Variants in ROBO2 observed in about 807,000 individuals in gnomAD.
ROBO2 encodes the protein roundabout homolog 2.
ROBO2 carries 53 observed loss-of-function variants against 160.8 expected under a neutral mutation model. The ratio of observed to expected loss-of-function variants is 0.33; its 90% confidence interval spans 0.26 to 0.41. The LOEUF is 0.41. ROBO2 is among the 10% of genes least tolerant of loss of function. ROBO2 has a pLI of 1.00. For synonymous variants in ROBO2, 664 were observed against 611.7 expected (o/e 1.09, Z -1.26); for missense variants, 1,577 against 1,722.4 (o/e 0.92, Z 1.49).
intron 2 of ROBO2, among the ~76,000 whole-genome samples, chr3:76,903,655 A>C (rs1202206811): frequency 1.3e-5 from 2 of 152,174 alleles, no homozygotes; most frequent in East Asian, 3.8e-4. Flanking sequence ...CTCCAAGGGC[A>C]AATAGGCATA....
chr3:77,263,780 C>A (rs1469140987), intron 2 of ROBO2, among the ~76,000 whole-genome samples: 2 of 152,076 alleles, frequency 1.3e-5, no homozygotes, highest in African/African-American at 4.8e-5. Context: ...AATGGGATTG[C>A]TGGTCAAATG....
intron 2 of ROBO2, among the ~76,000 whole-genome samples, chr3:75,956,248 C>T (rs1948719592): frequency 6.6e-6 from 1 of 151,864 alleles, no homozygotes; most frequent in Admixed American, 6.6e-5. Context: ...ATCTCTAAAT[C>T]ACTGTGCTCA....
intron 2 of ROBO2, among the ~76,000 whole-genome samples, chr3:76,277,966 C>T (rs767843876): frequency 3.3e-5 from 5 of 150,910 alleles, no homozygotes; most frequent in Non-Finnish European, 7.4e-5. Context: ...CAGTGATTGA[C>T]ACACAGTAGC....
intron 2 of ROBO2, among the ~76,000 whole-genome samples, chr3:76,978,407 GAAGAAAGAATATC>G (rs1437789723): frequency 1.3e-5 from 2 of 152,176 alleles, no homozygotes; most frequent in East Asian, 3.9e-4. Context: ...TATTTGCGCA[GAAGAAAGAATATC>G]AAGAATGCTC....
intron 2 of ROBO2, among the ~76,000 whole-genome samples, chr3:76,651,983 C>A (rs1454608107): frequency 6.6e-6 from 1 of 152,120 alleles, no homozygotes; most frequent in Non-Finnish European, 1.5e-5. Flanking sequence ...CTTTGTCTTA[C>A]CAAATGGAGG....
intron 2 of ROBO2, among the ~76,000 whole-genome samples, chr3:77,337,355 C>T (rs897054185): frequency 3.9e-5 from 6 of 152,058 alleles, no homozygotes; most frequent in African/African-American, 7.2e-5. Context: ...TCAAGATTAG[C>T]CCCCAAAATA....
At chr3:76,743,075 A>G (rs2093828553) in intron 2 of ROBO2, among the ~76,000 whole-genome samples, 2 of 152,152 alleles carry the variant, frequency 1.3e-5, no homozygotes, top group Non-Finnish European at 2.9e-5. Flanking sequence ...ACAGCAATTG[A>G]GGCACCATAT....
At chr3:76,852,873 A>T (rs938168656) in intron 2 of ROBO2, among the ~76,000 whole-genome samples, 19 of 152,108 alleles carry the variant, frequency 1.2e-4, no homozygotes, top group Non-Finnish European at 2.9e-5. Context: ...TAATACTAAA[A>T]AATCTATATC....
rs534128226 is a variant in ROBO2, at chr3:77,251,872, C to G, written c.388+153532C>G. Among the ~76,000 whole-genome samples the G allele has an allele frequency of 9.0e-4, 137 of 152,208 alleles. 2 individuals are homozygous for G. The highest frequency in any genetic ancestry group is 3.3e-3 in the African/African-American group (135 of 41,536). On this transcript the variant is annotated intron_variant, in intron 2 of 25. Coordinates refer to ENST00000461745, the Ensembl canonical transcript of ROBO2. ...CCCCAGCTGAGTGGAACTGCGAGTC[C>G]GTTAAACCTTTTTCTTTATGAATTA...
chr3:76,267,493 G>C (rs142124220), intron 2 of ROBO2, among the ~76,000 whole-genome samples: 11 of 151,902 alleles, frequency 7.2e-5, no homozygotes, highest in Non-Finnish European at 1.6e-4. Context: ...TCATCTAATT[G>C]GTCCTTTAAA....
In ROBO2 at chr3:75,970,126, T is replaced by C. The variant is rs373694877; in HGVS notation, c.109+32524T>C. 1.4e-3 allele frequency among the ~76,000 whole-genome samples: 207 copies of C among 151,590 alleles called. 2 individuals are homozygous for C. Among genetic ancestry groups the C allele is most frequent in the African/African-American group, 4.8e-3 (199 of 41,464 alleles). ...TAGATAACCAGACTCTCACTGTTGC[T>C]TCTTCACAGGAACCCCTCTTTGCCC... On this transcript the variant is annotated intron_variant, in intron 2 of 26. Transcript: ENST00000487694.
At chr3:76,104,962 A>G (rs2069856740) in intron 2 of ROBO2, among the ~76,000 whole-genome samples, 1 of 152,196 alleles carries the variant, frequency 6.6e-6, no homozygotes, top group African/African-American at 2.4e-5. Flanking sequence ...ACCCAAGAAC[A>G]CCTTCCAAAC....
chr3:77,495,795 C>T (rs980072750), intron 5 of ROBO2, among the ~76,000 whole-genome samples: 8 of 152,090 alleles, frequency 5.3e-5, no homozygotes, highest in Non-Finnish European at 7.4e-5. Flanking sequence ...ACACTGAGCA[C>T]GAGCTAGTTG....
intron 2 of ROBO2, among the ~76,000 whole-genome samples, chr3:76,385,738 G>C (rs1474065252): frequency 6.6e-6 from 1 of 152,032 alleles, no homozygotes; most frequent in African/African-American, 2.4e-5. Flanking sequence ...CTTGCTCAGA[G>C]TTTGATCTGG....
At chr3:77,367,237 A>T (rs1198429889) in intron 2 of ROBO2, among the ~76,000 whole-genome samples, 2 of 152,122 alleles carry the variant, frequency 1.3e-5, no homozygotes, top group Non-Finnish European at 2.9e-5. Flanking sequence ...TAAGCCAGAG[A>T]TATGCACATA....
In ROBO2 at chr3:77,596,655, G is replaced by C. The variant is rs749155174; in HGVS notation, c.2759G>C (p.Ser920Thr). 28 of 1,613,878 alleles carry C rather than the reference G, an allele frequency of 1.7e-5. No homozygotes were observed. In the South Asian group the frequency reaches 3.1e-4, roughly 18 times the overall value. Residue 920 changes from serine (S) to threonine (T), a missense_variant, in exon 19 of 26, where the codon AGC becomes ACC. By Grantham distance (58) the Ser-to-Thr change is moderately conservative. This residue lies in a region of ROBO2 where 637 missense variants were observed against 586.9 expected (regional missense o/e 1.09). Transcript: ENST00000461745. ...GGTCTTCTCAATGCTGGTGATCCCA[G>C]CTATCCATGGCTTGCTGATTCTTGG...
At chr3:77,547,624 C>T (rs2092748447) in intron 7 of ROBO2, among the ~76,000 whole-genome samples, 2 of 152,046 alleles carry the variant, frequency 1.3e-5, no homozygotes, top group South Asian at 2.1e-4. Context: ...CCTGTACCAG[C>T]TCATAGTGAG....
chr3:76,335,045 G>C (rs1047090453), intron 2 of ROBO2, among the ~76,000 whole-genome samples: 4 of 149,844 alleles, frequency 2.7e-5, no homozygotes, highest in African/African-American at 9.8e-5. Context: ...AATTTTTTTT[G>C]TTTTTGTAGA....
At chr3:76,304,739 T>TCCTTCCTTCC (rs537479218) in intron 2 of ROBO2, among the ~76,000 whole-genome samples, 1 of 83,210 alleles carries the variant, frequency 1.2e-5, no homozygotes, top group South Asian at 4.2e-4. Context: ...TTTCTTTTCT[T>TCCTTCCTTCC]TTCTTTCCTT....
Sources: allele counts gnomAD v4.1 joint callset (sites outside exome capture counted in the v4.1 genomes callset), GRCh38; gene constraint gnomAD v4.1.1; regional missense constraint gnomAD v4.1.1; transcripts MANE v1.5; gene names NCBI Gene and HGNC (gene_info 2026-07-23, HGNC 2026-07-21).